Variants in LARP7 observed in about 807,000 individuals in gnomAD.
LARP7 encodes La ribonucleoprotein 7, transcriptional regulator.
A neutral mutation model predicts 69.3 loss-of-function variants in LARP7; 52 were observed. That is an observed-to-expected ratio of 0.75 (90% confidence interval 0.60 to 0.95). The LOEUF (loss-of-function observed/expected upper bound fraction) is 0.95. LARP7 is among the 40% of genes least tolerant of loss of function. The probability of loss-of-function intolerance (pLI) is 0.00; values close to 1 mark genes in which losing one functional copy is unlikely to be tolerated. For missense variants in LARP7, 733 were observed against 673.0 expected (o/e 1.09, Z -0.99); for synonymous variants, 254 against 215.9 (o/e 1.18, Z -1.55).
chr4:112,639,667 C>T (rs1281309237), intron 1 of LARP7, among the ~76,000 whole-genome samples: 2 of 152,086 alleles, frequency 1.3e-5, no homozygotes. Flanking sequence ...ATGGGTTATA[C>T]ATAGGCTCCT....
At chr4:112,637,300 C>T (rs1452386818) in intron 1 of LARP7, 61 bp downstream of exon 1, 1 of 152,440 alleles carries the variant, frequency 6.6e-6, no homozygotes, top group African/African-American at 2.4e-5. Context: ...AACTCTCCGT[C>T]CTTTTTCTTG....
rs748605614 is a variant in LARP7, at chr4:112,657,349, T to C, written c.*22T>C. The C allele has an allele frequency of 2.3e-6, 3 of 1,306,792 alleles. No homozygotes were observed. In the East Asian group the frequency reaches 7.2e-5, roughly 31 times the overall value. 80.9% of individuals were successfully genotyped at this position (1,306,792 alleles called of 1,614,324 possible). A position where few individuals can be genotyped will look rare whatever the true frequency, so the allele number is the denominator to read the frequency against. ...TTGAAAAAAAAAACAGTTCACCTCT[T>C]AATACTTCACAAGATACTTGAGCTG... On this transcript the variant is annotated 3_prime_UTR_variant, in exon 13 of 13. Transcript: ENST00000344442.
Position 112,644,667 on chromosome 4 carries a change from G to A in LARP7, c.-2-1G>A, listed in dbSNP as rs1375839448. 1.9e-6 allele frequency: 3 copies of A among 1,590,696 alleles called. No homozygotes were observed. Among genetic ancestry groups the A allele is most frequent in the Non-Finnish European group, 2.6e-6 (3 of 1,164,130 alleles). ...TTACATCTTTTTCTTGTAATTCACA[G>A]GAATGGAAACTGAAAGTGGAAATCA... On this transcript the variant is annotated splice_acceptor_variant, in intron 1 of 12. Coordinates refer to ENST00000344442, the MANE Select transcript of LARP7 (RefSeq NM_016648.4). LOFTEE classifies it low-confidence loss of function (5UTR_SPLICE).
chr4:112,644,462 C>T (rs1413587034), intron 1 of LARP7: 1 of 1,191,830 alleles, frequency 8.4e-7, no homozygotes, highest in Admixed American at 3.4e-5. Flanking sequence ...TACAAAGAAA[C>T]TAAAGCTATG....
In LARP7 at chr4:112,644,786, T is replaced by TA. The variant is rs1560923303; in HGVS notation, c.119dup (p.Gln41AlafsTer15). On this transcript the variant is annotated frameshift_variant, in exon 2 of 13. Coordinates refer to ENST00000344442, the MANE Select transcript of LARP7 (RefSeq NM_016648.4). LOFTEE classifies it high-confidence loss of function. ...TTAAACAGGTGCTTGCAGATATTGC[T>TA]AAGCAAGTGGACTTCTGGTTTGGGG... 4 of 1,608,006 alleles carry TA rather than the reference T, an allele frequency of 2.5e-6. No homozygotes were observed. Among genetic ancestry groups the TA allele is most frequent in the African/African-American group, 1.3e-5 (1 of 74,932 alleles).
In LARP7 at chr4:112,647,309, AG is replaced by A; in HGVS notation, c.758del (p.Arg253AsnfsTer54). 6.2e-7 allele frequency: 1 copy of A among 1,614,082 alleles called. No homozygotes were observed. Among genetic ancestry groups the A allele is most frequent in the Admixed American group, 1.7e-5 (1 of 60,024 alleles). ...CAACACCAGCATCAGTAAAATGAAA[AG>A]ATCCAGACCCACATCTGAGGGCTCT... ...TSNTSISKMK[R>X]SRPTSEGSDI... On this transcript the variant is annotated frameshift_variant, in exon 7 of 13. Coordinates refer to ENST00000344442, the MANE Select transcript of LARP7 (RefSeq NM_016648.4). LOFTEE classifies it high-confidence loss of function.
chr4:112,641,308 G>C (rs528622463), intron 1 of LARP7, among the ~76,000 whole-genome samples: 1 of 152,042 alleles, frequency 6.6e-6, no homozygotes, highest in South Asian at 2.1e-4. Context: ...AGAATCTCTT[G>C]AACCCAGAGG....
intron 12 of LARP7, chr4:112,655,342 T>C (rs1213536412): frequency 1.3e-5 from 2 of 152,238 alleles, no homozygotes; most frequent in African/African-American, 4.8e-5. Flanking sequence ...AAACCTTTTA[T>C]TTTTCATTTT....
chr4:112,648,560 A>T, intron 8 of LARP7: 1 of 521,356 alleles, frequency 1.9e-6, no homozygotes, highest in Non-Finnish European at 4.0e-6. Flanking sequence ...AAGGGAGCCC[A>T]CCCAACATAC....
At chr4:112,654,455 A>G in intron 12 of LARP7, 1 of 221,272 alleles carries the variant, frequency 4.5e-6, no homozygotes. Context: ...TAGTTTGGTG[A>G]TAAATGATTA....
At chr4:112,656,659 G>A (rs1017178909) in intron 12 of LARP7, among the ~76,000 whole-genome samples, 1 of 152,160 alleles carries the variant, frequency 6.6e-6, no homozygotes, top group African/African-American at 2.4e-5. Flanking sequence ...CTGATACTCA[G>A]CAGGTAAAGG....
At position 112,651,761 on chromosome 4, in the gene LARP7, T is replaced by C. The variant is rs2048750489; in HGVS notation, c.1416+1179T>C. On this transcript the variant is annotated intron_variant, in intron 10 of 12. Transcript: ENST00000344442. ...GGCTAATTTGTCATTCTATGGGTTTTAAATTCTAAGGGTTTTAAATCAAGA... is the reference window on the plus strand; with the variant it reads ...GGCTAATTTGTCATTCTATGGGTTTCAAATTCTAAGGGTTTTAAATCAAGA... 2.0e-5 allele frequency among the ~76,000 whole-genome samples: 3 copies of C among 152,170 alleles called. No homozygotes were observed. The East Asian group carries it at 5.8e-4, about 29-fold the overall frequency.
At chr4:112,642,188 T>G (rs1425762601) in intron 1 of LARP7, among the ~76,000 whole-genome samples, 1 of 152,192 alleles carries the variant, frequency 6.6e-6, no homozygotes, top group African/African-American at 2.4e-5. Context: ...TGTTTGCAGT[T>G]TCTCTAGAAT....
At chr4:112,655,462 G>A (rs1204464353) in intron 12 of LARP7, 2 of 152,206 alleles carry the variant, frequency 1.3e-5, no homozygotes, top group South Asian at 2.1e-4. Context: ...AGCTATGGAA[G>A]TAGCCAGTTG....
chr4:112,653,547 C>T (rs1317120835), intron 11 of LARP7, among the ~76,000 whole-genome samples: 4 of 151,852 alleles, frequency 2.6e-5, no homozygotes, highest in Non-Finnish European at 4.4e-5. Context: ...TGCTGTGGTG[C>T]GATCTCGGCT....
chr4:112,647,539 G>T lies in LARP7; in HGVS notation c.987G>T (p.Lys329Asn). The T allele has an allele frequency of 6.3e-7, 1 of 1,595,606 alleles. No individual in the cohort carries two copies. Among genetic ancestry groups the T allele is most frequent in the East Asian group, 2.2e-5 (1 of 44,768 alleles). ...DIIKEASEAS[K>N]ENRDIEISTE... ...TTAAGGAAGCATCAGAAGCTTCCAA[G>T]GAAAATAGAGGTAAAACTACAAGGT... The change falls in exon 7 of 13, where the codon AAG (lysine) becomes AAT (asparagine). Residue 329 changes from lysine (K) to asparagine (N), a missense_variant. Coordinates refer to ENST00000344442, the MANE Select transcript of LARP7 (RefSeq NM_016648.4).
Position 112,653,201 on chromosome 4 carries a change from A to G in LARP7, c.1541A>G (p.Asn514Ser). ...GTAATAAATGCCTATACAGAAATTA[A>G]CAAGAAACACTGCTGGAAACTCGAG... ...QAVINAYTEI[N>S]KKHCWKLEIL... The change falls in exon 11 of 13, where the codon AAC becomes AGC. Residue 514 changes from asparagine to serine, a missense_variant. Transcript: ENST00000344442. 6.3e-7 allele frequency: 1 copy of G among 1,596,310 alleles called. No individual in the cohort carries two copies. Among genetic ancestry groups the G allele is most frequent in the Non-Finnish European group, 8.5e-7 (1 of 1,174,500 alleles).
chr4:112,639,695 TACAGA>T (rs1429017916), intron 1 of LARP7, among the ~76,000 whole-genome samples: 3 of 152,126 alleles, frequency 2.0e-5, no homozygotes, highest in Non-Finnish European at 4.4e-5. Flanking sequence ...ATGGGTGACT[TACAGA>T]ACAGTTTATA....
At position 112,657,515 on chromosome 4, in the gene LARP7, C is replaced by T. The variant is rs2149292305; in HGVS notation, c.*188C>T. 2.8e-6 allele frequency: 1 copy of T among 354,816 alleles called. No individual in the cohort carries two copies. The highest frequency in any genetic ancestry group is 5.2e-6 in the Non-Finnish European group (1 of 193,630). 22.0% of individuals were successfully genotyped at this position (354,816 alleles called of 1,614,324 possible). A position where few individuals can be genotyped will look rare whatever the true frequency, so the allele number is the denominator to read the frequency against. On this transcript the variant is annotated 3_prime_UTR_variant, in exon 13 of 13. Transcript: ENST00000344442. ...GATGTATACCACAATTTTTCTTAAACATTTTATTTGTTGAAATTATCTTAG... is the reference window on the plus strand; with the variant it reads ...GATGTATACCACAATTTTTCTTAAATATTTTATTTGTTGAAATTATCTTAG...
Sources: allele counts gnomAD v4.1 joint callset (sites outside exome capture counted in the v4.1 genomes callset), GRCh38; gene constraint gnomAD v4.1.1; transcripts MANE v1.5; gene names NCBI Gene and HGNC (gene_info 2026-07-23, HGNC 2026-07-21).